Variants in MSI2 observed in about 807,000 individuals in gnomAD.
The protein encoded by MSI2 is musashi RNA binding protein 2.
MSI2 carries 17 observed loss-of-function variants against 45.6 expected under a neutral mutation model. The ratio of observed to expected loss-of-function variants is 0.37; its 90% CI spans 0.26 to 0.56. MSI2 has a LOEUF of 0.56. MSI2 is among the 20% of genes least tolerant of loss of function. The pLI, the probability that MSI2 is intolerant of heterozygous loss-of-function variation, is 0.77. For missense variants in MSI2, 293 were observed against 444.2 expected, an observed-to-expected ratio of 0.66 and a Z score of 3.06; for synonymous variants, 156 against 158.2, an observed-to-expected ratio of 0.99 and a Z score of 0.11.
intron 6 of MSI2, among the ~76,000 whole-genome samples, chr17:57,454,813 G>C (rs1365123268): frequency 6.6e-6 from 1 of 152,210 alleles, no homozygotes; most frequent in African/African-American, 2.4e-5. Context: ...AGTAGTCCAT[G>C]TGGCGCTTGA....
At chr17:57,538,256 A>G (rs1056475619) in intron 7 of MSI2, among the ~76,000 whole-genome samples, 2 of 152,018 alleles carry the variant, frequency 1.3e-5, no homozygotes, top group African/African-American at 4.8e-5. Flanking sequence ...GGTCGCCGCA[A>G]GCCCTGGGTG....
intron 7 of MSI2, among the ~76,000 whole-genome samples, chr17:57,582,122 T>G (rs983946507): frequency 2.0e-5 from 3 of 151,964 alleles, no homozygotes; most frequent in African/African-American, 7.3e-5. Context: ...TGGGGAGGGG[T>G]CCACACCCGC....
At chr17:57,450,734 TC>T (rs1249751701) in intron 6 of MSI2, among the ~76,000 whole-genome samples, 1 of 137,868 alleles carries the variant, frequency 7.3e-6, no homozygotes, top group Non-Finnish European at 1.6e-5. Flanking sequence ...TACAATTCCG[TC>T]CCCCCTCCCC....
chr17:57,662,155 G>A (rs1324552888), intron 11 of MSI2, among the ~76,000 whole-genome samples: 1 of 152,052 alleles, frequency 6.6e-6, no homozygotes, highest in Non-Finnish European at 1.5e-5. Context: ...TTTTAAAAAG[G>A]TCTCCCTTCC....
chr17:57,331,165 C>T (rs1374672745), intron 5 of MSI2, among the ~76,000 whole-genome samples: 3 of 152,158 alleles, frequency 2.0e-5, no homozygotes, highest in South Asian at 2.1e-4. Context: ...CCACCCGCCT[C>T]GGCCTCCGAA....
At chr17:57,481,245 C>G (rs1288669282) in intron 6 of MSI2, among the ~76,000 whole-genome samples, 4 of 152,180 alleles carry the variant, frequency 2.6e-5, no homozygotes, top group Admixed American at 2.6e-4. Context: ...TAGCAGCCGG[C>G]AAGTAATGTC....
Position 57,529,788 on chromosome 17 carries a change from C to T in MSI2, c.454+64C>T, listed in dbSNP as rs2086783954. On this transcript the variant is annotated intron_variant, in intron 7 of 13. Transcript: ENST00000284073. This position sits in a 1 kb window ranked among gnomAD's most constrained non-coding sequence, Gnocchi z 5.3. ...CTCCTGGCCTCTCTGTCTGTCATCC[C>T]CAGTCCCACTGACAAAAGATACAGT... 7.4e-7 allele frequency: 1 copy of T among 1,346,514 alleles called. No individual in the cohort carries two copies. The allele number at this position is 1,346,514 out of a possible 1,614,324, so 83.4% of individuals were successfully genotyped here.
chr17:57,496,593 A>G (rs765993069), intron 6 of MSI2, among the ~76,000 whole-genome samples: 164 of 152,204 alleles, frequency 1.1e-3, no homozygotes, highest in Non-Finnish European at 1.9e-3. Context: ...AAATAGGTGC[A>G]CTCAGGTAAA....
chr17:57,522,315 G>C (rs2086606078), intron 6 of MSI2: 1 of 152,230 alleles, frequency 6.6e-6, no homozygotes, highest in Non-Finnish European at 1.5e-5. Flanking sequence ...AGAAATTCAA[G>C]GGCATTTGTT....
At chr17:57,494,310 C>T (rs1200188691) in intron 6 of MSI2, among the ~76,000 whole-genome samples, 1 of 152,144 alleles carries the variant, frequency 6.6e-6, no homozygotes, top group African/African-American at 2.4e-5. Flanking sequence ...TGCCCAAGTT[C>T]ACTGTGGGCT....
At chr17:57,393,826 C>T (rs1015282616) in intron 5 of MSI2, among the ~76,000 whole-genome samples, 20 of 152,122 alleles carry the variant, frequency 1.3e-4, no homozygotes, top group Admixed American at 3.3e-4. Flanking sequence ...GGATTACAGA[C>T]GTGCACCACC....
intron 11 of MSI2, among the ~76,000 whole-genome samples, chr17:57,670,163 C>T (rs1451247561): frequency 1.3e-5 from 2 of 152,214 alleles, no homozygotes; most frequent in Non-Finnish European, 2.9e-5. Context: ...CCCTCATTGA[C>T]CTGGCTCTAG....
chr17:57,350,529 G>T (rs764844235), intron 5 of MSI2, among the ~76,000 whole-genome samples: 40 of 152,080 alleles, frequency 2.6e-4, no homozygotes, highest in Non-Finnish European at 3.7e-4. Flanking sequence ...GGTGGCCGTG[G>T]TGTGTTCCTC....
intron 9 of MSI2, among the ~76,000 whole-genome samples, chr17:57,620,177 T>C (rs1488069341): frequency 5.3e-5 from 8 of 152,224 alleles, no homozygotes; most frequent in Non-Finnish European, 5.9e-5. Context: ...ACCTGGACTC[T>C]TCACTCTATC....
At chr17:57,689,041 T>C (rs1332502053), downstream of MSI2, among the ~76,000 whole-genome samples, 1 of 152,236 alleles carries the variant, frequency 6.6e-6, no homozygotes, top group Admixed American at 6.5e-5. Flanking sequence ...TCCTGTCCTT[T>C]TTAATTTTTC....
At chr17:57,447,941 C>G (rs1174638068) in intron 6 of MSI2, among the ~76,000 whole-genome samples, 1 of 152,128 alleles carries the variant, frequency 6.6e-6, no homozygotes, top group Non-Finnish European at 1.5e-5. Flanking sequence ...ACCAAGAAGC[C>G]CTTCATCTGA....
chr17:57,600,571 CATT>C (rs1243640762), intron 8 of MSI2, among the ~76,000 whole-genome samples: 1 of 152,154 alleles, frequency 6.6e-6, no homozygotes, highest in Non-Finnish European at 1.5e-5. Context: ...TCTTCCTGGG[CATT>C]TTTTAAAATG....
intron 6 of MSI2, chr17:57,450,322 A>AGAGAGAAAGAGAGAGAGAGAGAG (rs1567831014): frequency 1.3e-5 from 2 of 148,422 alleles, no homozygotes; most frequent in African/African-American, 4.9e-5. Context: ...AAAGAAAGAA[A>AGAGAGAAAGAGAGAGAGAGAGAG]ACCTTTGTTA....
At chr17:57,438,211 G>A (rs867046002) in intron 6 of MSI2, among the ~76,000 whole-genome samples, 1 of 152,136 alleles carries the variant, frequency 6.6e-6, no homozygotes, top group African/African-American at 2.4e-5. Flanking sequence ...TAGGGTGTGC[G>A]GAAGGCAGGA....
Sources: allele counts gnomAD v4.1 joint callset (sites outside exome capture counted in the v4.1 genomes callset), GRCh38; gene constraint gnomAD v4.1.1; non-coding constraint Gnocchi (gnomAD v3.1); transcripts MANE v1.5; gene names NCBI Gene and HGNC (gene_info 2026-07-23, HGNC 2026-07-21).